Variants in PCDH15 observed in about 807,000 individuals in gnomAD.
PCDH15 encodes protocadherin-15.
A neutral mutation model predicts 178.5 loss-of-function variants in PCDH15; 129 were observed. That is an observed-to-expected ratio of 0.72 (90% CI 0.63 to 0.84). The LOEUF is 0.84. Among genes scored for constraint, PCDH15 ranks in the 40% least tolerant of loss-of-function variants. PCDH15 has a pLI of 0.00. For missense variants in PCDH15, 2,230 were observed against 2,099.9 expected, an observed-to-expected ratio of 1.06 and a Z score of -1.21; for synonymous variants, 800 against 732.0, an observed-to-expected ratio of 1.09 and a Z score of -1.50.
intron 2 of PCDH15, among the ~76,000 whole-genome samples, chr10:55,536,526 C>T (rs80042256): frequency 3.5e-4 from 54 of 152,204 alleles, no homozygotes; most frequent in African/African-American, 1.3e-3. Context: ...CTACTTTCCT[C>T]GGCATTTTTC....
chr10:55,498,472 A>T (rs993459209), intron 2 of PCDH15, among the ~76,000 whole-genome samples: 5 of 151,878 alleles, frequency 3.3e-5, no homozygotes, highest in Non-Finnish European at 7.4e-5. Flanking sequence ...TTTCATCAAG[A>T]CACTTTAAAA....
intron 3 of PCDH15, among the ~76,000 whole-genome samples, chr10:54,441,003 A>G (rs1891379): frequency 0.49 from 73,793 of 151,482 alleles, 18,957 homozygotes; most frequent in Non-Finnish European, 0.57. Flanking sequence ...TGTGACTATA[A>G]AATTAAGAAC....
At position 54,261,706 on chromosome 10, in the gene PCDH15, A is replaced by T. The variant is rs566562372; in HGVS notation, c.877-24775T>A. ...CTATTTTTTATAATATAAAGAATTG[A>T]ATGTCAGAGTACATATCAGTGTTGG... is the stretch of plus-strand genomic sequence containing the variant. On this transcript the variant is annotated intron_variant, in intron 8 of 37. Coordinates refer to ENST00000644397, the MANE Select transcript of PCDH15 (RefSeq NM_001384140.1). Among the ~76,000 whole-genome samples the T allele has an allele frequency of 4.0e-5, 5 of 124,498 alleles. No homozygotes were observed. In the East Asian group the frequency reaches 1.0e-3, roughly 25 times the overall value. The allele number at this position is 124,498 out of a possible 152,430, so 81.7% of individuals were successfully genotyped here.
intron 23 of PCDH15, among the ~76,000 whole-genome samples, chr10:53,943,501 C>CAA (rs67069528): frequency 1.7e-4 from 26 of 150,294 alleles, no homozygotes; most frequent in African/African-American, 5.4e-4. Context: ...AACAAACAAA[C>CAA]AAAAAAAACA....
At chr10:54,684,640 AT>A (rs2094960812) in intron 1 of PCDH15, among the ~76,000 whole-genome samples, 1 of 152,092 alleles carries the variant, frequency 6.6e-6, no homozygotes, top group African/African-American at 2.4e-5. Context: ...AATGTTTTAA[AT>A]TTCATTTGTT....
intron 15 of PCDH15, among the ~76,000 whole-genome samples, chr10:54,130,767 A>G (rs1454628657): frequency 6.6e-6 from 1 of 152,210 alleles, no homozygotes; most frequent in Non-Finnish European, 1.5e-5. Flanking sequence ...GCAGTGCGTC[A>G]GCTGTAGGTA....
At chr10:54,226,722 C>T (rs1487624868) in intron 9 of PCDH15, among the ~76,000 whole-genome samples, 2 of 152,198 alleles carry the variant, frequency 1.3e-5, no homozygotes, top group Admixed American at 6.5e-5. Flanking sequence ...GTTCCTTCCA[C>T]CTATGCATCT....
chr10:54,834,544 T>C (rs1591729908), intron 3 of PCDH15, among the ~76,000 whole-genome samples: 1 of 151,082 alleles, frequency 6.6e-6, no homozygotes, highest in Non-Finnish European at 1.5e-5. Flanking sequence ...ATATGTATGA[T>C]AGCTGTGAAA....
At chr10:54,525,534 C>G (rs910758293) in intron 3 of PCDH15, among the ~76,000 whole-genome samples, 1 of 152,196 alleles carries the variant, frequency 6.6e-6, no homozygotes, top group African/African-American at 2.4e-5. Flanking sequence ...TTACTACAAC[C>G]TCCCCTCCTG....
At chr10:54,256,507 T>C (rs751824783) in intron 8 of PCDH15, among the ~76,000 whole-genome samples, 7 of 152,164 alleles carry the variant, frequency 4.6e-5, no homozygotes, top group South Asian at 2.1e-4. Flanking sequence ...TCTACTGTTA[T>C]AGAACCTATC....
At chr10:55,015,268 T>C (rs982496659) in intron 2 of PCDH15, among the ~76,000 whole-genome samples, 2 of 152,024 alleles carry the variant, frequency 1.3e-5, no homozygotes, top group African/African-American at 2.4e-5. Context: ...TTAGTCTATC[T>C]CTTCTTTCTT....
intron 3 of PCDH15, among the ~76,000 whole-genome samples, chr10:54,526,409 G>C (rs1170801435): frequency 6.6e-6 from 1 of 152,144 alleles, no homozygotes; most frequent in East Asian, 1.9e-4. Context: ...GGTTAAAAAG[G>C]TTAACTGTTT....
At chr10:54,980,566 C>A (rs1434604046) in intron 2 of PCDH15, among the ~76,000 whole-genome samples, 1 of 151,820 alleles carries the variant, frequency 6.6e-6, no homozygotes, top group African/African-American at 2.4e-5. Flanking sequence ...AACTATACAC[C>A]CTAGATTTTT....
intron 10 of PCDH15, among the ~76,000 whole-genome samples, chr10:54,200,051 G>T (rs1008752790): frequency 4.6e-5 from 7 of 152,052 alleles, no homozygotes; most frequent in Admixed American, 3.9e-4. Flanking sequence ...ACCTTGTAAC[G>T]GAGGACTGAG....
intron 1 of PCDH15, among the ~76,000 whole-genome samples, chr10:55,185,856 C>T (rs527345759): frequency 2.6e-5 from 4 of 151,588 alleles, no homozygotes; most frequent in African/African-American, 9.7e-5. Context: ...AAGAACAGTA[C>T]CTGTAAAACT....
chr10:55,043,314 A>T (rs1167888242), intron 2 of PCDH15, among the ~76,000 whole-genome samples: 15 of 151,998 alleles, frequency 9.9e-5, no homozygotes, highest in Non-Finnish European at 1.5e-5. Context: ...TTTATAGGTG[A>T]GATGCAGGAT....
At chr10:55,478,299 A>C (rs558408677) in intron 2 of PCDH15, among the ~76,000 whole-genome samples, 3 of 151,868 alleles carry the variant, frequency 2.0e-5, no homozygotes, top group African/African-American at 7.2e-5. Flanking sequence ...AGAATTTAAA[A>C]TGGACTCTAG....
In PCDH15 at chr10:55,258,105, A is replaced by C. The variant is rs187248159; in HGVS notation, c.-156+61494T>G. On this transcript the variant is annotated intron_variant, in intron 1 of 5. Transcript: ENST00000458638. ...AGAAGATTAGCAGTTAAAGTTGGAC[A>C]GGTAAAATATGCCTAGATTTTTGCT... 1.8e-3 allele frequency among the ~76,000 whole-genome samples: 268 copies of C among 152,332 alleles called. 2 individuals are homozygous for C. Among genetic ancestry groups the C allele is most frequent in the African/African-American group, 6.1e-3 (255 of 41,584 alleles).
intron 33 of PCDH15, chr10:53,818,508 T>C (rs1163274753): frequency 6.6e-6 from 1 of 152,118 alleles, no homozygotes; most frequent in Non-Finnish European, 1.5e-5. Flanking sequence ...ATTCTAAAAA[T>C]AATACAAACT....
Sources: gnomAD v4.1 joint callset for allele counts (sites outside exome capture counted in the v4.1 genomes callset) on GRCh38, gnomAD v4.1.1 for gene constraint, MANE v1.5 for transcripts, NCBI Gene and HGNC (gene_info 2026-07-23, HGNC 2026-07-21) for gene names.